NPR3: variants seen among roughly 807,000 people sequenced by gnomAD.
NPR3 encodes the protein atrial natriuretic peptide receptor 3.
Under a neutral mutation model 54.5 loss-of-function variants are expected in NPR3, and 34 were observed. That is an observed-to-expected ratio of 0.62 (90% CI 0.47 to 0.83). The LOEUF (loss-of-function observed/expected upper bound fraction) is 0.83, where lower values mean the gene tolerates loss of function less well. Among genes scored for constraint, NPR3 ranks in the 40% least tolerant of loss-of-function variants. The probability of loss-of-function intolerance (pLI) is 0.00; values close to 1 mark genes in which losing one functional copy is unlikely to be tolerated. For missense variants in NPR3, 674 were observed against 720.8 expected (o/e 0.94, Z 0.74); for synonymous variants, 289 against 297.1 (o/e 0.97, Z 0.28).
intron 2 of NPR3, among the ~76,000 whole-genome samples, chr5:32,736,877 T>A (rs1295176121): frequency 6.6e-6 from 1 of 152,222 alleles, no homozygotes; most frequent in African/African-American, 2.4e-5. Flanking sequence ...TCCTAATGAA[T>A]TCTGTCCTCA....
At position 32,780,832 on chromosome 5, in the gene NPR3, C is replaced by T. The variant is rs2112067104; in HGVS notation, c.1290+16C>T. 1 of 1,192,144 alleles carries T rather than the reference C, an allele frequency of 8.4e-7. No homozygotes were observed. The highest frequency in any genetic ancestry group is 1.2e-5 in the South Asian group (1 of 81,830). The allele number at this position is 1,192,144 out of a possible 1,614,324, so 73.8% of individuals were successfully genotyped here. ...CACCCAGGAGGTGAGCACGTGAGACCTCTGCACCAGTTGCTCCTTCTGCTC... is the reference window on the plus strand; with the variant it reads ...CACCCAGGAGGTGAGCACGTGAGACTTCTGCACCAGTTGCTCCTTCTGCTC... On this transcript the variant is annotated intron_variant, in intron 5 of 7. Coordinates refer to ENST00000265074, the MANE Select transcript of NPR3 (RefSeq NM_001204375.2).
At chr5:32,728,837 G>GTATA (rs70961659) in intron 2 of NPR3, among the ~76,000 whole-genome samples, 1,150 of 47,902 alleles carry the variant, frequency 0.024, 32 homozygotes, top group East Asian at 0.039. Flanking sequence ...GTGTGTGTGT[G>GTATA]TATATATATA....
At chr5:32,728,827 G>GTATATA (rs1221764954) in intron 2 of NPR3, among the ~76,000 whole-genome samples, 4 of 81,130 alleles carry the variant, frequency 4.9e-5, no homozygotes, top group Non-Finnish European at 9.8e-5. Context: ...GTGTGTGTGT[G>GTATATA]TGTGTGTGTG....
intron 1 of NPR3, chr5:32,716,289 C>A: frequency 2.5e-6 from 1 of 394,170 alleles, no homozygotes; most frequent in Non-Finnish European, 5.0e-6. Flanking sequence ...TTCCTGTCTC[C>A]TACTCTCCAT....
intron 3 of NPR3, among the ~76,000 whole-genome samples, chr5:32,748,417 A>G (rs898521939): frequency 7.0e-6 from 1 of 142,212 alleles, no homozygotes; most frequent in Non-Finnish European, 1.5e-5. Flanking sequence ...CAAGCCAGAG[A>G]TTAGCAACAG....
intron 1 of NPR3, among the ~76,000 whole-genome samples, chr5:32,719,576 TCTC>T (rs1414606670): frequency 1.3e-5 from 2 of 152,188 alleles, no homozygotes; most frequent in Non-Finnish European, 2.9e-5. Flanking sequence ...TTTAGAATGT[TCTC>T]CTCTTCCCTG....
At chr5:32,741,028 A>T (rs1561101414) in intron 3 of NPR3, among the ~76,000 whole-genome samples, 1 of 130,842 alleles carries the variant, frequency 7.6e-6, no homozygotes, top group Non-Finnish European at 1.7e-5. Flanking sequence ...TACATATGCC[A>T]CTGTATATTG....
intron 1 of NPR3, chr5:32,716,564 A>G (rs895873583): frequency 3.4e-5 from 13 of 380,328 alleles, no homozygotes; most frequent in Middle Eastern, 4.2e-4. Context: ...GAGGCTATGG[A>G]TTGCCCTATT....
chr5:32,758,785 A>G (rs1460574044), intron 3 of NPR3, among the ~76,000 whole-genome samples: 2 of 151,988 alleles, frequency 1.3e-5, no homozygotes, highest in East Asian at 3.9e-4. Context: ...ATGTGTCCCA[A>G]AGATTCTGGT....
chr5:32,700,627 A>G (rs1023700687), intron 1 of NPR3, among the ~76,000 whole-genome samples: 3 of 150,412 alleles, frequency 2.0e-5, no homozygotes, highest in African/African-American at 7.4e-5. Context: ...ATTCCCACCT[A>G]TGAGTGAGAA....
chr5:32,700,841 G>T (rs1460128075), intron 1 of NPR3, among the ~76,000 whole-genome samples: 1 of 152,170 alleles, frequency 6.6e-6, no homozygotes, highest in African/African-American at 2.4e-5. Flanking sequence ...ATTGTGAATA[G>T]TGCCACAATA....
chr5:32,725,524 A>G (rs371381724), intron 2 of NPR3, among the ~76,000 whole-genome samples: 2 of 152,166 alleles, frequency 1.3e-5, no homozygotes, highest in African/African-American at 2.4e-5. Flanking sequence ...CCAGGCCCCA[A>G]AGACCTCTTG....
At chr5:32,774,680 G>C (rs536935728) in intron 3 of NPR3, 28 bp from the exon 4 acceptor site, 1 of 1,591,814 alleles carries the variant, frequency 6.3e-7, no homozygotes, top group South Asian at 1.1e-5. Flanking sequence ...TGGTGTTTTG[G>C]TTCACCCATC....
chr5:32,773,150 A>G (rs1175583835), intron 3 of NPR3, among the ~76,000 whole-genome samples: 3 of 152,190 alleles, frequency 2.0e-5, no homozygotes, highest in African/African-American at 7.2e-5. Flanking sequence ...CCACTAAGCC[A>G]TGCCAGGTGG....
intron 3 of NPR3, among the ~76,000 whole-genome samples, chr5:32,755,821 T>C (rs1342056035): frequency 6.6e-6 from 1 of 152,238 alleles, no homozygotes; most frequent in Non-Finnish European, 1.5e-5. Flanking sequence ...TTCTCATTGT[T>C]CAATTCCCAC....
intron 3 of NPR3, among the ~76,000 whole-genome samples, chr5:32,770,435 A>AG (rs1370712109): frequency 2.6e-5 from 4 of 152,176 alleles, no homozygotes; most frequent in African/African-American, 4.8e-5. Flanking sequence ...GTTTCAAAAA[A>AG]AAAAAGAAAA....
chr5:32,783,380 T>G (rs1742438820), intron 6 of NPR3: 1 of 189,636 alleles, frequency 5.3e-6, no homozygotes, highest in Non-Finnish European at 1.1e-5. Flanking sequence ...TTCAAGTTTG[T>G]GGTTACTTTC....
At chr5:32,775,215 G>T (rs1178435100) in intron 4 of NPR3, among the ~76,000 whole-genome samples, 1 of 151,974 alleles carries the variant, frequency 6.6e-6, no homozygotes, top group African/African-American at 2.4e-5. Flanking sequence ...GTTGGTTTTT[G>T]TGAAACACAG....
At chr5:32,761,258 C>T (rs75585164) in intron 3 of NPR3, among the ~76,000 whole-genome samples, 4,267 of 151,948 alleles carry the variant, frequency 0.028, 74 homozygotes, top group Middle Eastern at 0.09. Flanking sequence ...TTGATCTGTA[C>T]ACCAATTTGG....
Sources: gnomAD v4.1 joint callset for allele counts (sites outside exome capture counted in the v4.1 genomes callset) on GRCh38, gnomAD v4.1.1 for gene constraint, MANE v1.5 for transcripts, NCBI Gene and HGNC (gene_info 2026-07-23, HGNC 2026-07-21) for gene names.